The following ST6GALNAC3 variants were observed in gnomAD, a reference collection of about 807,000 sequenced individuals.
The protein encoded by ST6GALNAC3 is ST6 N-acetylgalactosaminide alpha-2,6-sialyltransferase 3.
Under a neutral mutation model 32.7 loss-of-function variants are expected in ST6GALNAC3, and 25 were observed. The ratio of observed to expected loss-of-function variants is 0.76; its 90% CI spans 0.56 to 1.07. The LOEUF is 1.07. ST6GALNAC3 is among the 50% of genes least tolerant of loss of function. The pLI is 0.00. For synonymous variants in ST6GALNAC3, 129 were observed against 133.1 expected (o/e 0.97, Z 0.21); for missense variants, 355 against 382.4 (o/e 0.93, Z 0.60).
At chr1:76,451,287 A>T (rs1657382682) in intron 3 of ST6GALNAC3, among the ~76,000 whole-genome samples, 1 of 152,222 alleles carries the variant, frequency 6.6e-6, no homozygotes, top group Non-Finnish European at 1.5e-5. Context: ...AGGCCTCTCA[A>T]TCATGGTGGT....
At chr1:76,101,028 A>G (rs1647212604) in intron 1 of ST6GALNAC3, among the ~76,000 whole-genome samples, 1 of 151,990 alleles carries the variant, frequency 6.6e-6, no homozygotes, top group Non-Finnish European at 1.5e-5. Context: ...CATCATTATC[A>G]CCCAAAGTCC....
intron 1 of ST6GALNAC3, among the ~76,000 whole-genome samples, chr1:76,256,776 C>T (rs1216721811): frequency 6.7e-6 from 1 of 149,676 alleles, no homozygotes; most frequent in Non-Finnish European, 1.5e-5. Flanking sequence ...CTTGAGAAAA[C>T]AAGTGCTGTG....
chr1:76,445,367 C>T (rs938356601), intron 3 of ST6GALNAC3, among the ~76,000 whole-genome samples: 1 of 152,146 alleles, frequency 6.6e-6, no homozygotes, highest in African/African-American at 2.4e-5. Context: ...GGATGCAGAC[C>T]TACAATCTTT....
chr1:76,408,136 C>G (rs750580292), intron 2 of ST6GALNAC3, among the ~76,000 whole-genome samples: 24 of 152,036 alleles, frequency 1.6e-4, no homozygotes, highest in Non-Finnish European at 1.9e-4. Flanking sequence ...TTTGTGCTAC[C>G]TGAAGCTCCT....
At chr1:76,447,691 G>C (rs1272520621) in intron 3 of ST6GALNAC3, among the ~76,000 whole-genome samples, 1 of 152,124 alleles carries the variant, frequency 6.6e-6, no homozygotes, top group East Asian at 1.9e-4. Flanking sequence ...ATGGCTAAAA[G>C]GGATCAATGT....
chr1:76,487,282 G>A (rs1236171311), intron 3 of ST6GALNAC3, among the ~76,000 whole-genome samples: 1 of 152,192 alleles, frequency 6.6e-6, no homozygotes, highest in Non-Finnish European at 1.5e-5. Flanking sequence ...TGCCTCGCTA[G>A]GTTGGGGGAG....
At chr1:76,331,066 A>G (rs1361991215) in intron 2 of ST6GALNAC3, among the ~76,000 whole-genome samples, 1 of 152,214 alleles carries the variant, frequency 6.6e-6, no homozygotes, top group Admixed American at 6.5e-5. Context: ...GGGTACCAGT[A>G]GACAATATCT....
intron 3 of ST6GALNAC3, among the ~76,000 whole-genome samples, chr1:76,499,471 C>G (rs761609335): frequency 2.0e-5 from 3 of 152,130 alleles, no homozygotes; most frequent in Non-Finnish European, 2.9e-5. Context: ...TTAGCTTCCT[C>G]CACAGCTGGT....
intron 1 of ST6GALNAC3, among the ~76,000 whole-genome samples, chr1:76,247,617 A>ACTGGG (rs1657347264): frequency 6.6e-6 from 1 of 151,978 alleles, no homozygotes; most frequent in Non-Finnish European, 1.5e-5. Flanking sequence ...TGCCCTTAGC[A>ACTGGG]CTGTCAGGGG....
At chr1:76,626,604 C>T (rs1314368338) in intron 3 of ST6GALNAC3, among the ~76,000 whole-genome samples, 1 of 151,912 alleles carries the variant, frequency 6.6e-6, no homozygotes, top group African/African-American at 2.4e-5. Flanking sequence ...GTGATTTTGT[C>T]CTTGCCCTTC....
At chr1:76,239,279 C>T (rs1378201695) in intron 1 of ST6GALNAC3, among the ~76,000 whole-genome samples, 1 of 152,122 alleles carries the variant, frequency 6.6e-6, no homozygotes, top group Non-Finnish European at 1.5e-5. Flanking sequence ...CATCCTTGAA[C>T]TTGACCAGTC....
intron 3 of ST6GALNAC3, among the ~76,000 whole-genome samples, chr1:76,446,783 C>T (rs1351439743): frequency 1.3e-5 from 2 of 152,234 alleles, no homozygotes; most frequent in East Asian, 3.9e-4. Flanking sequence ...TGCTGCCATC[C>T]CTGTAAGCCT....
rs563675966 is a variant in ST6GALNAC3 at position 76,270,438 on chromosome 1, C to T, written c.19-43367C>T. 7.8e-5 allele frequency among the ~76,000 whole-genome samples: 10 copies of T among 128,542 alleles called. No homozygotes were observed. The South Asian group carries it at 8.2e-4, about 11-fold the overall frequency. 84.3% of individuals were successfully genotyped at this position (128,542 alleles called of 152,430 possible). ...AGGAGAATTGCTTGAACCTGGGAGG[C>T]GGAGGTTGCAGTGAGCCGAGATCGC... On this transcript the variant is annotated intron_variant, in intron 1 of 4. Coordinates refer to ENST00000328299, the MANE Select transcript of ST6GALNAC3 (RefSeq NM_152996.4).
At chr1:76,501,199 A>T (rs955005086) in intron 3 of ST6GALNAC3, among the ~76,000 whole-genome samples, 3 of 152,014 alleles carry the variant, frequency 2.0e-5, no homozygotes, top group Non-Finnish European at 4.4e-5. Flanking sequence ...GCTTGCTATT[A>T]TCTTGAGCCA....
intron 3 of ST6GALNAC3, among the ~76,000 whole-genome samples, 160 bp downstream of exon 3, chr1:76,412,577 A>C (rs1283676702): frequency 2.0e-5 from 3 of 152,066 alleles, no homozygotes; most frequent in African/African-American, 2.4e-5. Context: ...CTGAGGTCTC[A>C]TTTATTCCAC....
intron 3 of ST6GALNAC3, among the ~76,000 whole-genome samples, chr1:76,428,232 T>C (rs1231895161): frequency 6.6e-6 from 1 of 152,032 alleles, no homozygotes; most frequent in Non-Finnish European, 1.5e-5. Flanking sequence ...AATTGAACAA[T>C]TCAAAAAATT....
At chr1:76,459,152 T>G (rs549575298) in intron 3 of ST6GALNAC3, among the ~76,000 whole-genome samples, 16 of 152,338 alleles carry the variant, frequency 1.1e-4, no homozygotes, top group Middle Eastern at 3.4e-3. Context: ...AAGCCATTAG[T>G]TCTGATAAAT....
intron 3 of ST6GALNAC3, among the ~76,000 whole-genome samples, chr1:76,567,628 C>G (rs1448046519): frequency 1.3e-5 from 2 of 152,120 alleles, no homozygotes; most frequent in East Asian, 3.9e-4. Context: ...TTTTAATTCC[C>G]TTGGTATTTC....
chr1:76,342,384 T>A (rs546903412), intron 2 of ST6GALNAC3, among the ~76,000 whole-genome samples: 82 of 152,308 alleles, frequency 5.4e-4, no homozygotes, highest in African/African-American at 1.9e-3. Flanking sequence ...GTTTCCTGAC[T>A]TTTTAATGAT....
Sources: allele counts gnomAD v4.1 joint callset (sites outside exome capture counted in the v4.1 genomes callset), GRCh38; gene constraint gnomAD v4.1.1; transcripts MANE v1.5; gene names NCBI Gene and HGNC (gene_info 2026-07-23, HGNC 2026-07-21).